The following CCDC7 variants were observed in gnomAD, a reference collection of about 807,000 sequenced individuals.
The protein encoded by CCDC7 is coiled-coil domain containing 7.
CCDC7 carries 183 observed loss-of-function variants against 196.9 expected under a neutral mutation model. The ratio of observed to expected loss-of-function variants is 0.93; its 90% CI spans 0.82 to 1.05. The LOEUF is 1.05. Ranked by LOEUF, CCDC7 falls within the 50% of genes least tolerant of loss-of-function variation. The pLI is 0.00. For missense variants in CCDC7, 1,540 were observed against 1,482.2 expected (o/e 1.04, Z -0.64); for synonymous variants, 525 against 484.6 (o/e 1.08, Z -1.10).
At chr10:32,528,737 T>TATACATAA (rs2049131226) in intron 11 of CCDC7, among the ~76,000 whole-genome samples, 1 of 143,856 alleles carries the variant, frequency 7.0e-6, no homozygotes, top group Non-Finnish European at 1.5e-5. Flanking sequence ...TTTACGTATA[T>TATACATAA]ATGTATATAT....
Position 32,778,629 on chromosome 10 carries a change from G to A in CCDC7, c.2906-348G>A, listed in dbSNP as rs2080513169. ...CAGGTAGTATGATGCCTTCAACTTT[G>A]TTCTTTTTGCTTAGGATTGCTTTGG... On this transcript the variant is annotated intron_variant, in intron 28 of 41. Coordinates refer to ENST00000639629, the Ensembl canonical transcript of CCDC7. Among the ~76,000 whole-genome samples, 4 of 152,096 alleles carry A rather than the reference G, an allele frequency of 2.6e-5. 1 individual carries two copies. The South Asian group carries it at 8.3e-4, about 32-fold the overall frequency.
At chr10:32,733,460 C>A (rs2084329576) in intron 28 of CCDC7, among the ~76,000 whole-genome samples, 1 of 151,858 alleles carries the variant, frequency 6.6e-6, no homozygotes, top group Admixed American at 6.6e-5. Context: ...AAGCAAATCT[C>A]CAGCTAAGAT....
At chr10:32,703,453 T>C (rs1327189424) in intron 24 of CCDC7, among the ~76,000 whole-genome samples, 3 of 152,074 alleles carry the variant, frequency 2.0e-5, no homozygotes, top group Non-Finnish European at 4.4e-5. Flanking sequence ...TAATATTTTT[T>C]CCTTCATTTC....
intron 11 of CCDC7, among the ~76,000 whole-genome samples, chr10:32,529,795 C>T (rs2049332435): frequency 6.6e-6 from 1 of 152,050 alleles, no homozygotes; most frequent in Non-Finnish European, 1.5e-5. Flanking sequence ...ATCTATTTAT[C>T]TTTGTTTTTG....
At chr10:32,468,227 G>A (rs2037242731) in intron 5 of CCDC7, among the ~76,000 whole-genome samples, 1 of 152,124 alleles carries the variant, frequency 6.6e-6, no homozygotes, top group Non-Finnish European at 1.5e-5. Context: ...CACATGGAAT[G>A]TTTTTCCATT....
At chr10:32,825,897 T>C (rs2091038491) in intron 32 of CCDC7, among the ~76,000 whole-genome samples, 1 of 152,148 alleles carries the variant, frequency 6.6e-6, no homozygotes, top group Non-Finnish European at 1.5e-5. Flanking sequence ...GGAATGGGGA[T>C]GTGTGGGAGG....
At chr10:32,868,523 G>A (rs1449231739) in intron 41 of CCDC7, among the ~76,000 whole-genome samples, 1 of 151,844 alleles carries the variant, frequency 6.6e-6, no homozygotes, top group Non-Finnish European at 1.5e-5. Flanking sequence ...AAGTTGTAGT[G>A]TAGTGTTTTC....
At chr10:32,763,143 A>G (rs1437989643) in intron 28 of CCDC7, among the ~76,000 whole-genome samples, 1 of 152,006 alleles carries the variant, frequency 6.6e-6, no homozygotes, top group Admixed American at 6.6e-5. Context: ...AAAATATGTA[A>G]GGAACTCACA....
At chr10:32,775,002 C>A (rs925620938) in intron 28 of CCDC7, among the ~76,000 whole-genome samples, 50 of 152,248 alleles carry the variant, frequency 3.3e-4, no homozygotes, top group African/African-American at 1.2e-3. Flanking sequence ...CTATCTTCCT[C>A]CCTCTGTTTT....
intron 22 of CCDC7, 135 bp downstream of exon 23, chr10:32,686,215 A>G (rs2076447174): frequency 5.8e-6 from 3 of 516,622 alleles, no homozygotes; most frequent in Non-Finnish European, 6.8e-6. Context: ...TAAGATAACT[A>G]GAGAACAAAA....
At chr10:32,711,126 G>GTATATA (rs375124829) in intron 24 of CCDC7, among the ~76,000 whole-genome samples, 2 of 146,678 alleles carry the variant, frequency 1.4e-5, no homozygotes, top group African/African-American at 5.2e-5. Flanking sequence ...GTGTGTGTGT[G>GTATATA]TATATATATA....
intron 3 of CCDC7, among the ~76,000 whole-genome samples, chr10:32,458,358 G>T (rs1407714826): frequency 2.0e-5 from 3 of 151,574 alleles, no homozygotes; most frequent in Non-Finnish European, 2.9e-5. Flanking sequence ...TATTTTTTGG[G>T]TTCTCTATTG....
intron 21 of CCDC7, among the ~76,000 whole-genome samples, chr10:32,671,531 G>A (rs767522824): frequency 1.6e-4 from 24 of 152,042 alleles, no homozygotes; most frequent in Admixed American, 7.9e-4. Flanking sequence ...TAACTTGTCT[G>A]ATCCTCCTAA....
intron 9 of CCDC7, among the ~76,000 whole-genome samples, chr10:32,492,967 TTATATA>T (rs2042372172): frequency 6.6e-6 from 1 of 152,100 alleles, no homozygotes; most frequent in Non-Finnish European, 1.5e-5. Context: ...ATTGACAAAA[TTATATA>T]TATTTATGGT....
At chr10:32,604,407 T>G (rs2061370061) in intron 18 of CCDC7, among the ~76,000 whole-genome samples, 1 of 152,182 alleles carries the variant, frequency 6.6e-6, no homozygotes, top group African/African-American at 2.4e-5. Flanking sequence ...CAGAATAGCT[T>G]GACTATTTGG....
chr10:32,497,319 T>C (rs989143470), intron 9 of CCDC7, among the ~76,000 whole-genome samples: 1 of 152,212 alleles, frequency 6.6e-6, no homozygotes, highest in Non-Finnish European at 1.5e-5. Context: ...TCTATCTATT[T>C]TGTTGATCTT....
intron 37 of CCDC7, among the ~76,000 whole-genome samples, chr10:32,846,707 G>T (rs372678768): frequency 1.3e-5 from 2 of 152,264 alleles, no homozygotes; most frequent in African/African-American, 4.8e-5. Flanking sequence ...CCTTAGAGTA[G>T]TCTCAATGTA....
rs560055703 is a variant in CCDC7 at position 32,748,066 on chromosome 10, A to G, written c.2905+18609A>G. ...ATGAACTCATGTCCTTTGCAGCAAC[A>G]TGGACAGAGCTAGCAGCCATTATCC... On this transcript the variant is annotated intron_variant, in intron 28 of 41. Coordinates refer to ENST00000639629, the Ensembl canonical transcript of CCDC7. 6.6e-5 allele frequency among the ~76,000 whole-genome samples: 10 copies of G among 152,364 alleles called. No homozygotes were observed. In the South Asian group the frequency reaches 1.7e-3, roughly 25 times the overall value.
chr10:32,864,759 A>G (rs1488335068), intron 41 of CCDC7, among the ~76,000 whole-genome samples: 3 of 151,948 alleles, frequency 2.0e-5, no homozygotes, highest in Non-Finnish European at 1.5e-5. Flanking sequence ...GAAATCCTGA[A>G]GCTTAAAACT....
Sources: allele counts gnomAD v4.1 joint callset (sites outside exome capture counted in the v4.1 genomes callset), GRCh38; gene constraint gnomAD v4.1.1; transcripts MANE v1.5; gene names NCBI Gene and HGNC (gene_info 2026-07-23, HGNC 2026-07-21).